The following STX8 variants were observed in gnomAD, a reference collection of about 807,000 sequenced individuals.
STX8 encodes syntaxin-8.
In STX8, 23 loss-of-function variants were observed where a neutral mutation model predicts 37.5. That is an observed-to-expected ratio of 0.61 (90% CI 0.44 to 0.87). The LOEUF (loss-of-function observed/expected upper bound fraction) is 0.87, where lower values mean the gene tolerates loss of function less well. STX8 is among the 40% of genes least tolerant of loss of function. The pLI, the probability that STX8 is intolerant of heterozygous loss-of-function variation, is 0.00. For synonymous variants in STX8, 115 were observed against 99.1 expected (o/e 1.16, Z -0.95); for missense variants, 313 against 284.7 (o/e 1.10, Z -0.71).
intron 4 of STX8, among the ~76,000 whole-genome samples, chr17:9,536,605 C>T (rs1472232465): frequency 6.6e-6 from 1 of 152,160 alleles, no homozygotes; most frequent in African/African-American, 2.4e-5. Context: ...TCCCTGAATG[C>T]TGAAGAAACA....
Position 9,293,557 on chromosome 17 carries a change from A to G in STX8, c.644-42912T>C, listed in dbSNP as rs116720101. On this transcript the variant is annotated intron_variant, in intron 7 of 7. Coordinates refer to ENST00000306357, the MANE Select transcript of STX8 (RefSeq NM_004853.3). ...AAGACCTGATTAAGGTCCTTGGATAAGTGATGACAGTGAGATAGGAGGTGT... is the reference window on the plus strand; with the variant it reads ...AAGACCTGATTAAGGTCCTTGGATAGGTGATGACAGTGAGATAGGAGGTGT... Among the ~76,000 whole-genome samples, 1,056 of 152,192 alleles carry G rather than the reference A, an allele frequency of 6.9e-3. 10 individuals are homozygous for G. The highest frequency in any genetic ancestry group is 0.023 in the African/African-American group (941 of 41,518).
At chr17:9,447,029 C>T (rs915287065) in intron 6 of STX8, among the ~76,000 whole-genome samples, 1 of 152,130 alleles carries the variant, frequency 6.6e-6, no homozygotes, top group Non-Finnish European at 1.5e-5. Flanking sequence ...CCTGATTGTT[C>T]CCTACTGCAT....
intron 1 of STX8, among the ~76,000 whole-genome samples, chr17:9,568,779 G>T (rs901680146): frequency 6.6e-6 from 1 of 152,228 alleles, no homozygotes; most frequent in Non-Finnish European, 1.5e-5. Context: ...GATTACAGGC[G>T]TGAGCCCCTG....
chr17:9,530,106 G>A (rs1905753930), intron 4 of STX8, among the ~76,000 whole-genome samples: 1 of 152,076 alleles, frequency 6.6e-6, no homozygotes. Context: ...AGGAGATCGA[G>A]ACCATCCTGG....
chr17:9,527,295 T>C (rs930445532), intron 4 of STX8, among the ~76,000 whole-genome samples: 3 of 150,144 alleles, frequency 2.0e-5, no homozygotes, highest in Non-Finnish European at 4.4e-5. Flanking sequence ...TAAAAATATA[T>C]TAGCCAGGCA....
chr17:9,513,591 G>A (rs1421967105), intron 4 of STX8, among the ~76,000 whole-genome samples: 1 of 152,190 alleles, frequency 6.6e-6, no homozygotes, highest in Non-Finnish European at 1.5e-5. Context: ...AACTAGTACA[G>A]CCACTATGGA....
intron 6 of STX8, among the ~76,000 whole-genome samples, chr17:9,487,224 TG>T (rs1486546248): frequency 6.6e-6 from 1 of 152,230 alleles, no homozygotes; most frequent in African/African-American, 2.4e-5. Context: ...CAACGTATTT[TG>T]TTAGTAAGAT....
intron 7 of STX8, among the ~76,000 whole-genome samples, chr17:9,293,391 T>TA (rs1392889606): frequency 6.6e-6 from 1 of 152,060 alleles, no homozygotes; most frequent in Non-Finnish European, 1.5e-5. Flanking sequence ...GCCACTGCCT[T>TA]ACACGGCTTC....
At chr17:9,287,777 G>A (rs1392041173) in intron 7 of STX8, among the ~76,000 whole-genome samples, 1 of 151,546 alleles carries the variant, frequency 6.6e-6, no homozygotes, top group Non-Finnish European at 1.5e-5. Context: ...TTTTGAGATG[G>A]AGGCTCACTC....
Position 9,454,780 on chromosome 17 carries a change from C to T in STX8, c.541+37049G>A, listed in dbSNP as rs545772054. Among the ~76,000 whole-genome samples, 5 of 152,016 alleles carry T rather than the reference C, an allele frequency of 3.3e-5. No homozygotes were observed. In the East Asian group the frequency reaches 5.8e-4, roughly 18 times the overall value. ...CATGGGTAACTGAAACCACAGAAAGCGAAACCACATATAAGGGGGAACTAT... is the reference window on the plus strand; with the variant it reads ...CATGGGTAACTGAAACCACAGAAAGTGAAACCACATATAAGGGGGAACTAT... On this transcript the variant is annotated intron_variant, in intron 6 of 7. Coordinates refer to ENST00000306357, the MANE Select transcript of STX8 (RefSeq NM_004853.3).
chr17:9,261,366 G>C (rs1907027450), intron 7 of STX8, among the ~76,000 whole-genome samples: 1 of 152,206 alleles, frequency 6.6e-6, no homozygotes, highest in Admixed American at 6.5e-5. Flanking sequence ...ACCCACACTA[G>C]AACTGATCTC....
At chr17:9,571,398 G>A (rs935133959) in intron 1 of STX8, among the ~76,000 whole-genome samples, 6 of 152,014 alleles carry the variant, frequency 3.9e-5, no homozygotes, top group African/African-American at 4.8e-5. Context: ...AAGTCCGGGC[G>A]GGAACCCTTG....
chr17:9,506,294 T>C (rs1904821460), intron 4 of STX8, among the ~76,000 whole-genome samples: 1 of 150,254 alleles, frequency 6.7e-6, no homozygotes, highest in Non-Finnish European at 1.5e-5. Context: ...AACAAAGAGA[T>C]GAACATTAGA....
intron 6 of STX8, among the ~76,000 whole-genome samples, chr17:9,418,902 A>AC (rs71135978): frequency 6.7e-5 from 7 of 105,192 alleles, no homozygotes; most frequent in Non-Finnish European, 1.1e-4. Context: ...TTTTGCCCAC[A>AC]CCCCCCCCTC....
At chr17:9,280,004 T>G (rs1391621805) in intron 7 of STX8, among the ~76,000 whole-genome samples, 4 of 152,164 alleles carry the variant, frequency 2.6e-5, no homozygotes, top group Non-Finnish European at 2.9e-5. Context: ...GTGGATCACT[T>G]GAGCCCAGGC....
chr17:9,496,753 C>T (rs1003245216), intron 5 of STX8, among the ~76,000 whole-genome samples: 8 of 152,152 alleles, frequency 5.3e-5, no homozygotes, highest in African/African-American at 1.7e-4. Flanking sequence ...GAACCTTTCC[C>T]AGCTGCCATC....
intron 5 of STX8, among the ~76,000 whole-genome samples, chr17:9,501,886 G>A (rs1904625582): frequency 6.6e-6 from 1 of 151,670 alleles, no homozygotes; most frequent in Non-Finnish European, 1.5e-5. Context: ...GGAGAATAGC[G>A]TGAACCTGAG....
At chr17:9,480,222 T>C (rs1289373233) in intron 6 of STX8, among the ~76,000 whole-genome samples, 4 of 152,158 alleles carry the variant, frequency 2.6e-5, no homozygotes, top group Non-Finnish European at 4.4e-5. Context: ...AGACATGACA[T>C]GTATATGTGG....
At position 9,480,548 on chromosome 17, in the gene STX8, C is replaced by T. The variant is rs1043756707; in HGVS notation, c.541+11281G>A. On this transcript the variant is annotated intron_variant, in intron 6 of 7. Coordinates refer to ENST00000306357, the MANE Select transcript of STX8 (RefSeq NM_004853.3). The stretch of plus-strand genomic sequence containing the variant: ...GATCTTAGAAAGTACAGGTGACTCT[C>T]TAGGTCACAGATCACTAAATGGAAG... 2.0e-5 allele frequency among the ~76,000 whole-genome samples: 3 copies of T among 152,100 alleles called. No homozygotes were observed. The East Asian group carries it at 5.8e-4, about 29-fold the overall frequency.
Sources: allele counts gnomAD v4.1 joint callset (sites outside exome capture counted in the v4.1 genomes callset), GRCh38; gene constraint gnomAD v4.1.1; transcripts MANE v1.5; gene names NCBI Gene and HGNC (gene_info 2026-07-23, HGNC 2026-07-21).